KCNU1: variants seen among roughly 807,000 people sequenced by gnomAD.
KCNU1 encodes potassium calcium-activated channel subfamily U member 1, also known as potassium channel subfamily U member 1.
KCNU1 carries 93 observed loss-of-function variants against 126.8 expected under a neutral mutation model. The observed-to-expected ratio is 0.73, with a 90% CI of 0.62 to 0.87. The LOEUF is 0.87. Ranked by LOEUF, KCNU1 falls within the 40% of genes least tolerant of loss-of-function variation. The pLI is 0.00. For missense variants in KCNU1, 1,330 were observed against 1,367.1 expected (o/e 0.97, Z 0.43); for synonymous variants, 523 against 494.2 (o/e 1.06, Z -0.77).
chr8:36,923,068 C>A, intron 24 of KCNU1: 1 of 456,976 alleles, frequency 2.2e-6, no homozygotes, highest in South Asian at 1.5e-5. Flanking sequence ...AGAGCTAAGT[C>A]AAATCTCCCT....
chr8:36,834,489 A>G (rs1804674431), intron 11 of KCNU1, among the ~76,000 whole-genome samples: 1 of 152,330 alleles, frequency 6.6e-6, no homozygotes, highest in African/African-American at 2.4e-5. Flanking sequence ...CTAGGCATCA[A>G]ATAATGGTGA....
At chr8:36,845,284 G>T (rs540777861) in intron 16 of KCNU1, among the ~76,000 whole-genome samples, 2 of 152,294 alleles carry the variant, frequency 1.3e-5, no homozygotes, top group South Asian at 2.1e-4. Context: ...CACCTGAGTT[G>T]GTCGGACCAT....
At chr8:36,833,960 G>T (rs1373661589) in intron 11 of KCNU1, among the ~76,000 whole-genome samples, 1 of 152,120 alleles carries the variant, frequency 6.6e-6, no homozygotes, top group East Asian at 1.9e-4. Flanking sequence ...AAAAGGTATG[G>T]ATAGCAAGGT....
At chr8:36,913,623 A>G (rs1807976209) in intron 22 of KCNU1, among the ~76,000 whole-genome samples, 1 of 136,884 alleles carries the variant, frequency 7.3e-6, no homozygotes, top group Non-Finnish European at 1.5e-5. Flanking sequence ...TTTTTTTGAG[A>G]CGGAGTCTTA....
At chr8:36,902,903 T>G (rs1235522106) in intron 19 of KCNU1, among the ~76,000 whole-genome samples, 1 of 152,152 alleles carries the variant, frequency 6.6e-6, no homozygotes, top group African/African-American at 2.4e-5. Flanking sequence ...CATGTTAATT[T>G]GAATGAACAG....
chr8:36,905,966 G>A (rs1388660014), intron 20 of KCNU1, among the ~76,000 whole-genome samples, 162 bp downstream of exon 20: 2 of 152,102 alleles, frequency 1.3e-5, no homozygotes, highest in Non-Finnish European at 2.9e-5. Context: ...AGAATAATAT[G>A]CAAAGTAACA....
At chr8:36,811,813 A>C (rs145109102) in intron 7 of KCNU1, among the ~76,000 whole-genome samples, 1,663 of 152,048 alleles carry the variant, frequency 0.011, 11 homozygotes, top group Middle Eastern at 0.037. Context: ...GTGCCTATAA[A>C]CCCAGCTACT....
chr8:36,827,834 T>C (rs944494158), intron 10 of KCNU1, among the ~76,000 whole-genome samples: 1 of 152,100 alleles, frequency 6.6e-6, no homozygotes, highest in East Asian at 1.9e-4. Flanking sequence ...TAATTGATAG[T>C]GGGAGTGAAA....
At chr8:36,884,539 C>G (rs967468858) in intron 19 of KCNU1, among the ~76,000 whole-genome samples, 6 of 152,014 alleles carry the variant, frequency 3.9e-5, no homozygotes, top group African/African-American at 1.4e-4. Flanking sequence ...AGTTCCAGAC[C>G]AGTCTGGCCA....
intron 23 of KCNU1, among the ~76,000 whole-genome samples, chr8:36,922,153 G>T (rs538204665): frequency 6.6e-6 from 1 of 152,082 alleles, no homozygotes. Flanking sequence ...GGCAATTTTC[G>T]AGCATGCTCC....
In KCNU1 at chr8:36,784,515, C is replaced by T. The variant is rs760033421; in HGVS notation, c.105C>T (p.Phe35=). Residue 35 remains phenylalanine, a synonymous_variant, in exon 1 of 27, where the codon TTC becomes TTT. Coordinates refer to ENST00000399881, the MANE Select transcript of KCNU1 (RefSeq NM_001031836.3). ...AAFILSSFVT[F]FSGLIILLIF... ...TCATTCTCTCTTCCTTTGTGACCTT[C>T]TTCAGTGGACTCATCATCCTGTTGA... is the stretch of plus-strand genomic sequence containing the variant. The T allele has an allele frequency of 2.5e-6, 4 of 1,613,772 alleles. No individual in the cohort carries two copies. In the South Asian group the frequency reaches 3.3e-5, roughly 13 times the overall value.
rs1220119598 is a variant in KCNU1 at position 36,933,159 on chromosome 8, T to TA, written c.3044+133dup. On this transcript the variant is annotated intron_variant, in intron 26 of 26. Coordinates refer to ENST00000399881, the MANE Select transcript of KCNU1 (RefSeq NM_001031836.3). ...GTTGCAAGGAAGGGTGCATGGGAAA[T>TA]AAAAAACTATGTAAGAATAAGGAGG... 4 of 610,512 alleles carry TA rather than the reference T, an allele frequency of 6.6e-6. No individual in the cohort carries two copies. The East Asian group carries it at 1.1e-4, about 17-fold the overall frequency. 37.8% of individuals were successfully genotyped at this position (610,512 alleles called of 1,614,324 possible). A position where few individuals can be genotyped will look rare whatever the true frequency, so the allele number is the denominator to read the frequency against.
At chr8:36,903,383 T>G (rs1251568395) in intron 19 of KCNU1, among the ~76,000 whole-genome samples, 1 of 152,144 alleles carries the variant, frequency 6.6e-6, no homozygotes. Flanking sequence ...ATTGTATTTC[T>G]CCCAAGATGT....
chr8:36,896,562 A>T (rs1428031145), intron 19 of KCNU1, among the ~76,000 whole-genome samples: 1 of 152,070 alleles, frequency 6.6e-6, no homozygotes, highest in Non-Finnish European at 1.5e-5. Context: ...CAGATAAAGG[A>T]ATCAAATAAT....
chr8:36,932,781 G>A (rs1808738858), intron 25 of KCNU1, 139 bp from the exon 26 acceptor site: 1 of 617,990 alleles, frequency 1.6e-6, no homozygotes, highest in Admixed American at 2.8e-5. Context: ...CTATCGCCCT[G>A]GCAGTGCCAC....
intron 2 of KCNU1, among the ~76,000 whole-genome samples, chr8:36,799,596 G>A (rs1191912461): frequency 6.6e-6 from 1 of 151,540 alleles, no homozygotes; most frequent in Admixed American, 6.6e-5. Context: ...GTGCAGTGGT[G>A]CAATCTCGGC....
intron 25 of KCNU1, 124 bp downstream of exon 25, chr8:36,931,269 CA>C (rs1285898326): frequency 7.6e-6 from 4 of 526,374 alleles, no homozygotes; most frequent in African/African-American, 5.9e-5. Context: ...ATAAAAATAA[CA>C]AAAAAAGAAT....
rs367686703 is a variant in KCNU1 at position 36,837,917 on chromosome 8, C to CT, written c.1518+978dup. Among the ~76,000 whole-genome samples, 607 of 152,196 alleles carry CT rather than the reference C, an allele frequency of 4.0e-3. 4 individuals carry two copies. The highest frequency in any genetic ancestry group is 0.014 in the African/African-American group (580 of 41,524). On this transcript the variant is annotated intron_variant, in intron 14 of 26. Transcript: ENST00000399881. ...CTTTGCTCGCTCTTTCCTCTGTTCTCTTTTTTCTGTGTTCAGTACAAATAT... is the reference window on the plus strand; with the variant it reads ...CTTTGCTCGCTCTTTCCTCTGTTCTCTTTTTTTCTGTGTTCAGTACAAATAT...
chr8:36,826,882 A>G (rs1011484896), intron 10 of KCNU1, among the ~76,000 whole-genome samples: 9 of 151,804 alleles, frequency 5.9e-5, no homozygotes, highest in African/African-American at 2.2e-4. Context: ...TCCTGTTTTT[A>G]TTTTTATTTT....
Sources: gnomAD v4.1 joint callset for allele counts (sites outside exome capture counted in the v4.1 genomes callset) on GRCh38, gnomAD v4.1.1 for gene constraint, MANE v1.5 for transcripts, NCBI Gene and HGNC (gene_info 2026-07-23, HGNC 2026-07-21) for gene names.